DEPTOR: variants seen among roughly 807,000 people sequenced by gnomAD.
The protein encoded by DEPTOR is DEP domain-containing mTOR-interacting protein.
DEPTOR carries 41 observed loss-of-function variants against 41.6 expected under a neutral mutation model. The observed-to-expected ratio is 0.98, with a 90% CI of 0.77 to 1.28. The LOEUF is 1.28. Among genes scored for constraint, DEPTOR ranks in the 50% most tolerant of loss-of-function variants. The pLI is 0.00. For missense variants in DEPTOR, 514 were observed against 527.9 expected, an observed-to-expected ratio of 0.97 and a Z score of 0.26; for synonymous variants, 195 against 192.3, an observed-to-expected ratio of 1.01 and a Z score of -0.12.
Position 119,995,722 on chromosome 8 carries a change from G to A in DEPTOR, c.605-5803G>A, listed in dbSNP as rs184220658. Among the ~76,000 whole-genome samples the A allele has an allele frequency of 2.2e-3, 333 of 152,232 alleles. 2 individuals are homozygous for A. The highest frequency in any genetic ancestry group is 7.8e-3 in the African/African-American group (323 of 41,518). On this transcript the variant is annotated intron_variant, in intron 4 of 8. Transcript: ENST00000286234. ...GTCTCTTTTAGCAGGCTTTGGTATT[G>A]GTGAGCATAAAGAGATGAGCAGATG...
rs534342442 is a variant in DEPTOR, at chr8:119,880,141, CAAAATAAAAT to C, written c.122+6212_122+6221del. Reference sequence around the variant, plus strand: ...TGGGTGACAGAGCGGGACTCCGTCTCAAAATAAAATAAAATAAAATAAAATAAAATAAAAT... The same window carrying C: ...TGGGTGACAGAGCGGGACTCCGTCTCAAAATAAAATAAAATAAAATAAAAT... On this transcript the variant is annotated intron_variant, in intron 1 of 8. Coordinates refer to ENST00000286234, the MANE Select transcript of DEPTOR (RefSeq NM_022783.4). Among the ~76,000 whole-genome samples the C allele has an allele frequency of 5.7e-3, 799 of 139,224 alleles. 7 individuals are homozygous for C. Among genetic ancestry groups the C allele is most frequent in the East Asian group, 0.023 (113 of 4,958 alleles). 91.3% of individuals were successfully genotyped at this position (139,224 alleles called of 152,430 possible). A position where few individuals can be genotyped will look rare whatever the true frequency, so the allele number is the denominator to read the frequency against.
chr8:119,971,045 A>T (rs1828625695), intron 4 of DEPTOR, among the ~76,000 whole-genome samples: 1 of 152,062 alleles, frequency 6.6e-6, no homozygotes, highest in Admixed American at 6.6e-5. Context: ...CCTGGCTAAC[A>T]CGGTGAAACC....
chr8:120,009,959 C>T lies in DEPTOR; in HGVS notation c.1101+826C>T, dbSNP rs140083482. Among the ~76,000 whole-genome samples, 847 of 152,272 alleles carry T rather than the reference C, an allele frequency of 5.6e-3. 6 individuals are homozygous for T. Among genetic ancestry groups the T allele is most frequent in the African/African-American group, 0.02 (823 of 41,554 alleles). On this transcript the variant is annotated intron_variant, in intron 8 of 8. Transcript: ENST00000286234. ...AAATCTTTGTGTAAGAACTCCAATG[C>T]TTCTATTCTATGCAAGGTGTATTCC...
rs1237043518 is a variant in DEPTOR at position 119,948,650 on chromosome 8, G to A, written c.426-16582G>A. On this transcript the variant is annotated intron_variant, in intron 3 of 8. Coordinates refer to ENST00000286234, the MANE Select transcript of DEPTOR (RefSeq NM_022783.4). ...AACCATTACGACAGTCAATTTCAGA[G>A]CATTTTCATCACTTCAAAAAGAAAC... Among the ~76,000 whole-genome samples the A allele has an allele frequency of 2.0e-5, 3 of 151,980 alleles. No homozygotes were observed. In the East Asian group the frequency reaches 5.8e-4, roughly 29 times the overall value.
At chr8:119,979,319 C>T (rs946754133) in intron 4 of DEPTOR, among the ~76,000 whole-genome samples, 4 of 152,018 alleles carry the variant, frequency 2.6e-5, no homozygotes, top group Non-Finnish European at 4.4e-5. Flanking sequence ...CTCTGTTGCC[C>T]AGGCTGGAGT....
intron 1 of DEPTOR, among the ~76,000 whole-genome samples, chr8:119,925,155 C>T (rs2139432): frequency 0.05 from 7,632 of 152,170 alleles, 292 homozygotes; most frequent in South Asian, 0.15. Context: ...TTTGGGAGGC[C>T]GAGGTGGGTG....
At position 120,049,678 on chromosome 8, in the gene DEPTOR, G is replaced by C. The variant is rs368198926; in HGVS notation, c.1204G>C (p.Glu402Gln). 1 of 1,613,908 alleles carries C rather than the reference G, an allele frequency of 6.2e-7. No individual in the cohort carries two copies. Among genetic ancestry groups the C allele is most frequent in the African/African-American group, 1.3e-5 (1 of 74,918 alleles). The change falls in exon 9 of 9, where the codon GAA (glutamate) becomes CAA (glutamine). Residue 402 changes from glutamate to glutamine, a missense_variant. Coordinates refer to ENST00000286234, the MANE Select transcript of DEPTOR (RefSeq NM_022783.4). ...GACGGGCCCACGGACGATTGTCATG[G>C]AAGTCATGGAGGAGTTAGAGTGCTG... is the stretch of plus-strand genomic sequence containing the variant. ...ILTGPRTIVM[E>Q]VMEELEC
chr8:120,008,244 G>A (rs2130100289), intron 7 of DEPTOR, among the ~76,000 whole-genome samples: 1 of 152,206 alleles, frequency 6.6e-6, no homozygotes, highest in Non-Finnish European at 1.5e-5. Context: ...CTCCCTTGGT[G>A]GAGGCTGGGC....
Position 120,027,966 on chromosome 8 carries a change from A to G in DEPTOR, c.1101+18833A>G, listed in dbSNP as rs150520400. Among the ~76,000 whole-genome samples the G allele has an allele frequency of 3.3e-5, 5 of 152,212 alleles. No homozygotes were observed. In the East Asian group the frequency reaches 9.7e-4, roughly 29 times the overall value. ...AGCACGGTTTGGAAACTCCCAGGCA[A>G]TTTTAAAGTGGAGCTTAGAGACAGC... is the stretch of plus-strand genomic sequence containing the variant. On this transcript the variant is annotated intron_variant, in intron 8 of 8. Coordinates refer to ENST00000286234, the MANE Select transcript of DEPTOR (RefSeq NM_022783.4).
At chr8:119,913,880 G>A (rs903958363) in intron 1 of DEPTOR, among the ~76,000 whole-genome samples, 3 of 152,106 alleles carry the variant, frequency 2.0e-5, no homozygotes, top group African/African-American at 4.8e-5. Flanking sequence ...GGCTTACCAT[G>A]CCCTAGCGTC....
intron 8 of DEPTOR, among the ~76,000 whole-genome samples, chr8:120,009,757 T>C (rs1361194250): frequency 6.6e-6 from 1 of 152,174 alleles, no homozygotes; most frequent in African/African-American, 2.4e-5. Context: ...CAAATTTCCT[T>C]TTCCCTTTCT....
At chr8:120,012,834 C>T (rs1412921472) in intron 8 of DEPTOR, among the ~76,000 whole-genome samples, 3 of 151,896 alleles carry the variant, frequency 2.0e-5, no homozygotes, top group Admixed American at 6.6e-5. Context: ...CACGCCCAGC[C>T]GAATTTTTTA....
rs547154303 is a variant in DEPTOR at position 119,974,811 on chromosome 8, G to A, written c.604+9401G>A. On this transcript the variant is annotated intron_variant, in intron 4 of 8. Coordinates refer to ENST00000286234, the MANE Select transcript of DEPTOR (RefSeq NM_022783.4). ...GGGGGGTGGGTAGTTCAGACTTCAG[G>A]CTTAAATACCATTATTCCCTGAAAC... Among the ~76,000 whole-genome samples the A allele has an allele frequency of 3.3e-5, 5 of 151,992 alleles. No homozygotes were observed. The East Asian group carries it at 9.7e-4, about 29-fold the overall frequency.
At chr8:120,012,854 C>T (rs1812551399) in intron 8 of DEPTOR, among the ~76,000 whole-genome samples, 1 of 151,688 alleles carries the variant, frequency 6.6e-6, no homozygotes, top group African/African-American at 2.4e-5. Flanking sequence ...AGCTTTATTA[C>T]AATCTTATAA....
At chr8:119,941,373 CAAAAAAAA>C (rs749120675) in intron 3 of DEPTOR, among the ~76,000 whole-genome samples, 2 of 39,964 alleles carry the variant, frequency 5.0e-5, no homozygotes, top group Admixed American at 3.2e-4. Flanking sequence ...ATCTCCATCT[CAAAAAAAA>C]AAAAAAAAAA....
chr8:119,916,788 T>C (rs143967043), intron 1 of DEPTOR, among the ~76,000 whole-genome samples: 32 of 152,364 alleles, frequency 2.1e-4, no homozygotes, highest in African/African-American at 7.5e-4. Context: ...GCATAATTAC[T>C]AACCCCTTCA....
intron 3 of DEPTOR, among the ~76,000 whole-genome samples, chr8:119,959,356 T>C (rs2129950851): frequency 6.6e-6 from 1 of 151,530 alleles, no homozygotes; most frequent in South Asian, 2.1e-4. Flanking sequence ...AGAGACAGGG[T>C]TTCACCGTGT....
intron 4 of DEPTOR, among the ~76,000 whole-genome samples, chr8:119,998,562 G>A (rs1403059323): frequency 6.6e-6 from 1 of 152,172 alleles, no homozygotes; most frequent in Non-Finnish European, 1.5e-5. Flanking sequence ...CAGAGTCCCT[G>A]ATGACTCTAC....
intron 8 of DEPTOR, among the ~76,000 whole-genome samples, chr8:120,044,914 T>C (rs888236352): frequency 6.6e-6 from 1 of 152,206 alleles, no homozygotes; most frequent in Non-Finnish European, 1.5e-5. Context: ...ATTTATTAGG[T>C]TGGTGCAAAA....
Sources: allele counts gnomAD v4.1 joint callset (sites outside exome capture counted in the v4.1 genomes callset), GRCh38; gene constraint gnomAD v4.1.1; transcripts MANE v1.5; gene names NCBI Gene and HGNC (gene_info 2026-07-23, HGNC 2026-07-21).